The following PAMR1 variants were observed in gnomAD, a reference collection of about 807,000 sequenced individuals.
The protein encoded by PAMR1 is peptidase domain containing associated with muscle regeneration 1.
PAMR1 carries 88 observed loss-of-function variants against 81.8 expected under a neutral mutation model. That is an observed-to-expected ratio of 1.08 (90% CI 0.91 to 1.28). The LOEUF (loss-of-function observed/expected upper bound fraction) is 1.28, where lower values mean the gene tolerates loss of function less well. Among genes scored for constraint, PAMR1 ranks in the 50% most tolerant of loss-of-function variants. The pLI, the probability that PAMR1 is intolerant of heterozygous loss-of-function variation, is 0.00. For synonymous variants in PAMR1, 336 were observed against 345.3 expected, an observed-to-expected ratio of 0.97 and a Z score of 0.30; for missense variants, 935 against 919.7, an observed-to-expected ratio of 1.02 and a Z score of -0.21.
At chr11:35,471,100 C>T (rs1590348496) in intron 4 of PAMR1, among the ~76,000 whole-genome samples, 2 of 152,198 alleles carry the variant, frequency 1.3e-5, no homozygotes, top group South Asian at 2.1e-4. Context: ...GTCTCTTTTC[C>T]AGGGCACTTT....
chr11:35,498,591 G>C (rs892468104), intron 1 of PAMR1, among the ~76,000 whole-genome samples: 2 of 152,154 alleles, frequency 1.3e-5, no homozygotes, highest in Admixed American at 1.3e-4. Flanking sequence ...TCAATTTCTT[G>C]CTTAAAATGG....
In PAMR1 at chr11:35,432,127, T is replaced by C; in HGVS notation, c.*229A>G. On this transcript the variant is annotated 3_prime_UTR_variant, in exon 11 of 11. Transcript: ENST00000619888. The stretch of plus-strand genomic sequence containing the variant: ...GGTCTTCTTTGAAGAAACTTACTTC[T>C]TGCAAGCCCTGGCATCTTCCAATTG... 1.8e-6 allele frequency: 1 copy of C among 556,548 alleles called. No homozygotes were observed. The highest frequency in any genetic ancestry group is 2.4e-5 in the South Asian group (1 of 41,416). The allele number at this position is 556,548 out of a possible 1,614,324, so 34.5% of individuals were successfully genotyped here. A position where few individuals can be genotyped will look rare whatever the true frequency, so the allele number is the denominator to read the frequency against.
intron 1 of PAMR1, 120 bp downstream of exon 1, chr11:35,525,392 AC>A: frequency 1.3e-6 from 1 of 750,212 alleles, no homozygotes; most frequent in Non-Finnish European, 2.3e-6. Context: ...TCAACCCCTC[AC>A]CCCAAACACA....
At position 35,432,609 on chromosome 11, in the gene PAMR1, T is replaced by C. The variant is rs763687291; in HGVS notation, c.1910A>G (p.His637Arg). 8 of 1,613,984 alleles carry C rather than the reference T, an allele frequency of 5.0e-6. No individual in the cohort carries two copies. The Admixed American group carries it at 1.3e-4, about 27-fold the overall frequency. Residue 637 changes from histidine to arginine, a missense_variant, in exon 11 of 11, where the codon CAT (histidine) becomes CGT (arginine). By Grantham distance (29) the His-to-Arg change is conservative (BLOSUM62 0). Transcript: ENST00000619888. ...SLLCEEQHED[H>R]GIPVSVTDNM... is the part of the protein sequence containing the mutation. ...ATCAGTGACACTCACTGGGATGCCA[T>C]GGTCCTCATGCTGCTCCTCACACAG...
chr11:35,460,741 T>G (rs1856635218), intron 6 of PAMR1, among the ~76,000 whole-genome samples: 1 of 152,204 alleles, frequency 6.6e-6, no homozygotes, highest in Non-Finnish European at 1.5e-5. Context: ...ACATTTGGGT[T>G]GGTTCCAAGT....
chr11:35,433,041 A>G, intron 10 of PAMR1, 149 bp from the exon 11 acceptor site: 1 of 709,274 alleles, frequency 1.4e-6, no homozygotes. Flanking sequence ...AATCATGGAA[A>G]ACAACTACTC....
intron 5 of PAMR1, among the ~76,000 whole-genome samples, chr11:35,469,327 G>A (rs1166476415): frequency 1.3e-5 from 2 of 152,216 alleles, no homozygotes; most frequent in African/African-American, 4.8e-5. Flanking sequence ...GGGAGGTTGA[G>A]GAGGTCATTT....
chr11:35,446,435 T>A (rs952964608), intron 6 of PAMR1, among the ~76,000 whole-genome samples: 2 of 152,214 alleles, frequency 1.3e-5, no homozygotes, highest in African/African-American at 4.8e-5. Flanking sequence ...TGCTAGGATA[T>A]CAATTTGAGA....
At chr11:35,461,960 T>G (rs1856664179) in intron 6 of PAMR1, among the ~76,000 whole-genome samples, 1 of 152,068 alleles carries the variant, frequency 6.6e-6, no homozygotes, top group South Asian at 2.1e-4. Context: ...TCATACCCTC[T>G]CAAGACAGAT....
intron 6 of PAMR1, among the ~76,000 whole-genome samples, chr11:35,442,399 T>C (rs927036567): frequency 1.1e-4 from 17 of 152,196 alleles, no homozygotes; most frequent in African/African-American, 4.1e-4. Flanking sequence ...TTCTGAGCAC[T>C]AAACAGGATT....
rs766767152 is a variant in PAMR1 at position 35,525,610 on chromosome 11, G to T, written c.-25C>A. 6.2e-7 allele frequency: 1 copy of T among 1,609,978 alleles called. No homozygotes were observed. The highest frequency in any genetic ancestry group is 8.5e-7 in the Non-Finnish European group (1 of 1,177,138). ...TCCTTGCCGCGGCTGGTGCCCGAGC[G>T]TCTACTGGGGAGGGAGAGGAGGGAC... is the stretch of plus-strand genomic sequence containing the variant. On this transcript the variant is annotated 5_prime_UTR_variant, in exon 1 of 11. Coordinates refer to ENST00000619888, the MANE Select transcript of PAMR1 (RefSeq NM_001001991.3).
chr11:35,471,103 G>C (rs527547867), intron 4 of PAMR1, among the ~76,000 whole-genome samples: 2 of 152,236 alleles, frequency 1.3e-5, no homozygotes, highest in South Asian at 4.1e-4. Context: ...TCTTTTCCAG[G>C]GCACTTTTTC....
chr11:35,529,220 T>C (rs1424320951), upstream of PAMR1, among the ~76,000 whole-genome samples: 1 of 152,222 alleles, frequency 6.6e-6, no homozygotes, highest in East Asian at 1.9e-4. Context: ...TCCAAAATCA[T>C]ATGCAAATTT....
chr11:35,471,034 C>T (rs146148399), intron 4 of PAMR1, among the ~76,000 whole-genome samples: 1 of 152,300 alleles, frequency 6.6e-6, no homozygotes, highest in East Asian at 1.9e-4. Context: ...CATGCAAGTG[C>T]CTGCCCAGGT....
chr11:35,452,180 C>T (rs758333620), intron 6 of PAMR1, among the ~76,000 whole-genome samples: 11 of 151,552 alleles, frequency 7.3e-5, no homozygotes, highest in African/African-American at 2.4e-4. Context: ...AAAAAATAAA[C>T]AAAGGAAACA....
upstream of PAMR1, among the ~76,000 whole-genome samples, chr11:35,528,220 C>A (rs1028375945): frequency 1.3e-5 from 2 of 152,166 alleles, no homozygotes; most frequent in Non-Finnish European, 2.9e-5. Context: ...TGTTCTCCCC[C>A]CATTTTCCTA....
rs113491445 is a variant in PAMR1, at chr11:35,462,698, C to T, written c.820+5303G>A. On this transcript the variant is annotated intron_variant, in intron 6 of 10. Transcript: ENST00000619888. The stretch of plus-strand genomic sequence containing the variant: ...AGTGCCTTATGTGGATCATCTCATC[C>T]CCTCCCTACAAACACCCTAAGAGGA... Among the ~76,000 whole-genome samples, 1,243 of 152,198 alleles carry T rather than the reference C, an allele frequency of 8.2e-3. 14 individuals are homozygous for T. Among genetic ancestry groups the T allele is most frequent in the African/African-American group, 0.029 (1,185 of 41,516 alleles).
intron 6 of PAMR1, among the ~76,000 whole-genome samples, chr11:35,451,498 C>G (rs1386462526): frequency 6.6e-6 from 1 of 152,196 alleles, no homozygotes; most frequent in East Asian, 1.9e-4. Context: ...TCCTTCCTCA[C>G]AAACCCAGAA....
At chr11:35,439,811 C>T (rs1050221785) in intron 7 of PAMR1, 118 bp from the exon 8 acceptor site, 3 of 793,016 alleles carry the variant, frequency 3.8e-6, no homozygotes, top group African/African-American at 1.7e-5. Context: ...TCCCCAGGCT[C>T]TCAGAGGCAA....
Sources: allele counts gnomAD v4.1 joint callset (sites outside exome capture counted in the v4.1 genomes callset), GRCh38; gene constraint gnomAD v4.1.1; transcripts MANE v1.5; gene names NCBI Gene and HGNC (gene_info 2026-07-23, HGNC 2026-07-21).